The following PMFBP1 variants were observed in gnomAD, a reference collection of about 807,000 sequenced individuals.
The protein encoded by PMFBP1 is polyamine modulated factor 1 binding protein 1, also known as polyamine-modulated factor 1-binding protein 1.
PMFBP1 carries 131 observed loss-of-function variants against 137.8 expected under a neutral mutation model. The observed-to-expected ratio is 0.95, with a 90% CI of 0.82 to 1.10. The LOEUF (loss-of-function observed/expected upper bound fraction) is 1.10, where lower values mean the gene tolerates loss of function less well. Among genes scored for constraint, PMFBP1 ranks in the 50% least tolerant of loss-of-function variants. The pLI is 0.00. For synonymous variants in PMFBP1, 490 were observed against 450.4 expected (o/e 1.09, Z -1.11); for missense variants, 1,199 against 1,175.4 (o/e 1.02, Z -0.29).
At chr16:72,156,530 G>C (rs1336310520) in intron 3 of PMFBP1, among the ~76,000 whole-genome samples, 1 of 151,434 alleles carries the variant, frequency 6.6e-6, no homozygotes, top group Admixed American at 6.6e-5. Context: ...TGAGGCAGGA[G>C]AATGGCATGA....
chr16:72,122,904 G>A lies in PMFBP1; in HGVS notation c.2768+10C>T, dbSNP rs2042396773. ...CCAGGAAGCAGCCAGGGTGGTTTAA[G>A]ATGACTTACTCCTTTTCGCCACTCA... On this transcript the variant is annotated intron_variant, in intron 19 of 20. Coordinates refer to ENST00000237353, the MANE Select transcript of PMFBP1 (RefSeq NM_031293.3). 6.2e-7 allele frequency: 1 copy of A among 1,611,754 alleles called. No individual in the cohort carries two copies. The highest frequency in any genetic ancestry group is 1.3e-5 in the African/African-American group (1 of 74,880).
At chr16:72,244,834 T>C in the PMFBP1 span, among the ~76,000 whole-genome samples, 3 of 152,216 alleles carry the variant, frequency 2.0e-5, no homozygotes, top group African/African-American at 7.2e-5. Context: ...CCTTCTTGAT[T>C]CACAGAAGAA....
chr16:72,122,729 C>T (rs962367043), intron 19 of PMFBP1, among the ~76,000 whole-genome samples, 185 bp downstream of exon 19: 2 of 152,126 alleles, frequency 1.3e-5, no homozygotes, highest in Non-Finnish European at 2.9e-5. Flanking sequence ...AGAACTAAGG[C>T]CCTGAGAGGT....
At chr16:72,211,468 G>C in the PMFBP1 span, among the ~76,000 whole-genome samples, 1 of 152,114 alleles carries the variant, frequency 6.6e-6, no homozygotes, top group South Asian at 2.1e-4. Context: ...CAAAGAAAAT[G>C]CTCCCTGTTT....
chr16:72,194,505 C>A, the PMFBP1 span, among the ~76,000 whole-genome samples: 1 of 152,152 alleles, frequency 6.6e-6, no homozygotes, highest in African/African-American at 2.4e-5. Flanking sequence ...TGTGCCCTTG[C>A]CTGTAGTGCT....
At chr16:72,150,557 C>T in intron 5 of PMFBP1, 51 bp downstream of exon 5, 6 of 1,575,834 alleles carry the variant, frequency 3.8e-6, no homozygotes, top group South Asian at 1.1e-5. Context: ...GAGGGGACCA[C>T]CTGGGAGCAC....
chr16:72,154,596 T>A, intron 3 of PMFBP1, 137 bp from the exon 4 acceptor site: 1 of 1,028,638 alleles, frequency 9.7e-7, no homozygotes, highest in Non-Finnish European at 1.4e-6. Flanking sequence ...ACAGAGATCT[T>A]ATTAAACATT....
upstream of PMFBP1, among the ~76,000 whole-genome samples, chr16:72,181,555 G>C (rs2043276374): frequency 6.6e-6 from 1 of 152,166 alleles, no homozygotes. Flanking sequence ...TTCCTTGTGA[G>C]ATTAAAAAAT....
At chr16:72,171,933 T>C (rs927552344) in intron 1 of PMFBP1, 121 bp downstream of exon 1, 8 of 152,342 alleles carry the variant, frequency 5.3e-5, no homozygotes, top group African/African-American at 1.9e-4. Flanking sequence ...TCTTTGCACA[T>C]GTATGTGCAT....
chr16:72,190,168 T>C, the PMFBP1 span, among the ~76,000 whole-genome samples: 1 of 152,230 alleles, frequency 6.6e-6, no homozygotes, highest in Non-Finnish European at 1.5e-5. Context: ...TTAAGTAGAA[T>C]TCAGGCCTCT....
intron 3 of PMFBP1, among the ~76,000 whole-genome samples, chr16:72,163,425 G>C (rs1169595743): frequency 6.6e-6 from 1 of 152,228 alleles, no homozygotes; most frequent in African/African-American, 2.4e-5. Flanking sequence ...CTCTAGATAA[G>C]TATTAGTCCA....
the PMFBP1 span, among the ~76,000 whole-genome samples, chr16:72,206,051 T>C: frequency 1.3e-5 from 2 of 152,060 alleles, no homozygotes; most frequent in African/African-American, 2.4e-5. Context: ...GACTAGATAA[T>C]AGCTTGCTAT....
intron 17 of PMFBP1, among the ~76,000 whole-genome samples, chr16:72,124,052 C>T (rs1275741058): frequency 6.6e-6 from 1 of 152,136 alleles, no homozygotes; most frequent in African/African-American, 2.4e-5. Flanking sequence ...CTCTGTCATT[C>T]AGGCTGGAGT....
At chr16:72,246,792 G>C in the PMFBP1 span, among the ~76,000 whole-genome samples, 1 of 152,004 alleles carries the variant, frequency 6.6e-6, no homozygotes, top group East Asian at 1.9e-4. Context: ...TTTATCTTCA[G>C]TGCCTAGCAA....
the PMFBP1 span, among the ~76,000 whole-genome samples, chr16:72,209,074 C>T: frequency 6.6e-6 from 1 of 152,346 alleles, no homozygotes; most frequent in South Asian, 2.1e-4. Context: ...ACAGATCCCA[C>T]ATAGCCAGTG....
the PMFBP1 span, among the ~76,000 whole-genome samples, chr16:72,223,358 A>G: frequency 2.6e-5 from 4 of 152,122 alleles, no homozygotes; most frequent in Non-Finnish European, 5.9e-5. Context: ...CTTGTTTTTA[A>G]AAGACTGGGT....
At chr16:72,176,586 T>G (rs955002384), upstream of PMFBP1, among the ~76,000 whole-genome samples, 2 of 152,234 alleles carry the variant, frequency 1.3e-5, no homozygotes, top group Admixed American at 1.3e-4. Flanking sequence ...ACCTTTCTAA[T>G]GGCTTGTAAT....
Position 72,124,847 on chromosome 16 carries a change from C to T in PMFBP1, c.2509G>A (p.Ala837Thr). The change falls in exon 17 of 21, where the codon GCA becomes ACA. Residue 837 changes from alanine to threonine, a missense_variant. By Grantham distance (58) the Ala-to-Thr change is moderately conservative. Coordinates refer to ENST00000237353, the MANE Select transcript of PMFBP1 (RefSeq NM_031293.3). Reference sequence around the variant, plus strand: ...TCCCTGAGCTGCTCCTCTTTGGCTGCCAGCATCTTGAGGTCATTCTGGTGT... The same window carrying T: ...TCCCTGAGCTGCTCCTCTTTGGCTGTCAGCATCTTGAGGTCATTCTGGTGT... ...KQHQNDLKML[A>T]AKEEQLREFQ... 6.2e-7 allele frequency: 1 copy of T among 1,614,194 alleles called. No individual in the cohort carries two copies. The highest frequency in any genetic ancestry group is 8.5e-7 in the Non-Finnish European group (1 of 1,180,034).
the PMFBP1 span, among the ~76,000 whole-genome samples, chr16:72,195,288 T>G: frequency 1.3e-5 from 2 of 152,216 alleles, no homozygotes; most frequent in Non-Finnish European, 2.9e-5. Flanking sequence ...CACTGCAGTC[T>G]GAGGCTCCTC....
Sources: allele counts gnomAD v4.1 joint callset (sites outside exome capture counted in the v4.1 genomes callset), GRCh38; gene constraint gnomAD v4.1.1; transcripts MANE v1.5; gene names NCBI Gene and HGNC (gene_info 2026-07-23, HGNC 2026-07-21).